The following ETV1 variants were observed in gnomAD, a reference collection of about 807,000 sequenced individuals.
The protein encoded by ETV1 is ETS variant transcription factor 1.
Under a neutral mutation model 62.3 loss-of-function variants are expected in ETV1, and 27 were observed. The ratio of observed to expected loss-of-function variants is 0.43; its 90% CI spans 0.32 to 0.60. The LOEUF (loss-of-function observed/expected upper bound fraction) is 0.60. Ranked by LOEUF, ETV1 falls within the 20% of genes least tolerant of loss-of-function variation. The pLI, the probability that ETV1 is intolerant of heterozygous loss-of-function variation, is 0.06. For synonymous variants in ETV1, 222 were observed against 199.6 expected (o/e 1.11, Z -0.94); for missense variants, 605 against 605.8 (o/e 1.00, Z 0.01).
chr7:13,940,333 G>A (rs1026956011), intron 6 of ETV1, among the ~76,000 whole-genome samples: 3 of 148,600 alleles, frequency 2.0e-5, no homozygotes, highest in African/African-American at 7.5e-5. Context: ...TTGCACTCCA[G>A]CCTGGGCAAC....
Position 13,892,133 on chromosome 7 carries a change from A to G in ETV1, c.*3733T>C. Reference sequence around the variant, plus strand: ...TACACATTGTTCTTACCTAATAAGTAATAATCACTAGCAAATGATAAGATC... The same window carrying G: ...TACACATTGTTCTTACCTAATAAGTGATAATCACTAGCAAATGATAAGATC... On this transcript the variant is annotated 3_prime_UTR_variant, in exon 14 of 14. Coordinates refer to ENST00000430479, the MANE Select transcript of ETV1 (RefSeq NM_004956.5). 1 of 232,416 alleles carries G rather than the reference A, an allele frequency of 4.3e-6. No individual in the cohort carries two copies. Among genetic ancestry groups the G allele is most frequent in the African/African-American group, 2.2e-5 (1 of 45,436 alleles). The allele number at this position is 232,416 out of a possible 1,614,324, so 14.4% of individuals were successfully genotyped here.
chr7:13,986,813 T>TA (rs3216977), intron 4 of ETV1, 128 bp from the exon 5 acceptor site: 14 of 702,588 alleles, frequency 2.0e-5, no homozygotes, highest in South Asian at 4.0e-5. Context: ...AACATAAAAA[T>TA]AAAAAAAAGA....
At chr7:13,947,392 CAA>C (rs11352949) in intron 6 of ETV1, among the ~76,000 whole-genome samples, 986 of 86,488 alleles carry the variant, frequency 0.011, 14 homozygotes, top group African/African-American at 0.045. Flanking sequence ...ACTAACTATA[CAA>C]AAAAAAAAAA....
rs770130844 is a variant in ETV1 at position 13,930,607 on chromosome 7, C to T, written c.802+895G>A. On this transcript the variant is annotated intron_variant, in intron 9 of 13. Transcript: ENST00000430479. ...AAGTGCTGGGATTACAGGCGTGAGC[C>T]ACCAGACTGGAAAAGATTTTAAACC... Among the ~76,000 whole-genome samples the T allele has an allele frequency of 3.3e-5, 5 of 152,012 alleles. No homozygotes were observed. In the South Asian group the frequency reaches 6.2e-4, roughly 19 times the overall value.
chr7:13,898,103 T>C lies in ETV1; in HGVS notation c.1213-2016A>G, dbSNP rs187018583. On this transcript the variant is annotated intron_variant, in intron 13 of 13. Transcript: ENST00000430479. ...GGCTACTACTTCATTTGCTGGACTA[T>C]GTTAAATGCTACTGAGTTTAGAACA... 8.0e-4 allele frequency among the ~76,000 whole-genome samples: 122 copies of C among 152,350 alleles called. 1 individual carries two copies. Among genetic ancestry groups the C allele is most frequent in the African/African-American group, 2.7e-3 (113 of 41,588 alleles).
At chr7:13,970,113 T>C (rs76881666) in intron 6 of ETV1, among the ~76,000 whole-genome samples, 42 of 150,170 alleles carry the variant, frequency 2.8e-4, no homozygotes, top group African/African-American at 1.0e-3. Context: ...AAAAAAAAAT[T>C]AGCCTGGCGT....
chr7:13,939,796 C>T (rs557626318), intron 6 of ETV1, among the ~76,000 whole-genome samples: 55 of 152,246 alleles, frequency 3.6e-4, no homozygotes, highest in Middle Eastern at 3.4e-3. Flanking sequence ...CAGTTCTCAT[C>T]TATAAAATAG....
At chr7:13,986,914 AG>A (rs2128514547) in intron 4 of ETV1, 1 of 459,664 alleles carries the variant, frequency 2.2e-6, no homozygotes, top group East Asian at 4.0e-5. Context: ...TAAAGAATAA[AG>A]TCAATCATCT....
At chr7:13,976,434 A>T (rs1583871535) in intron 6 of ETV1, among the ~76,000 whole-genome samples, 1 of 152,356 alleles carries the variant, frequency 6.6e-6, no homozygotes, top group East Asian at 1.9e-4. Context: ...GTAACATGTT[A>T]GAGAATCTGG....
intron 9 of ETV1, among the ~76,000 whole-genome samples, chr7:13,917,048 G>A (rs1784253541): frequency 6.6e-6 from 1 of 151,822 alleles, no homozygotes; most frequent in Non-Finnish European, 1.5e-5. Flanking sequence ...AAGGCTACAT[G>A]GCGAAAAATA....
intron 6 of ETV1, among the ~76,000 whole-genome samples, chr7:13,976,778 A>G (rs533924480): frequency 7.9e-5 from 12 of 152,114 alleles, no homozygotes; most frequent in Non-Finnish European, 1.6e-4. Flanking sequence ...GACAGTGAGT[A>G]CTCCATGCAT....
At chr7:13,986,759 T>C in intron 4 of ETV1, 74 bp from the exon 5 acceptor site, 1 of 1,082,062 alleles carries the variant, frequency 9.2e-7, no homozygotes, top group Non-Finnish European at 1.4e-6. Flanking sequence ...ATATTTGTCA[T>C]GAAATTGGTA....
rs746537299 is a variant in ETV1 at position 13,988,784 on chromosome 7, G to C, written c.45+224C>G. 1.9e-6 allele frequency: 3 copies of C among 1,604,914 alleles called. No individual in the cohort carries two copies. The African/African-American group carries it at 4.0e-5, about 22-fold the overall frequency. ...CCACTCATGTTGGGCACTTTAATCA[G>C]AAAAAGGGGTCTTAAAAACAAAACT... On this transcript the variant is annotated intron_variant, in intron 3 of 13. Coordinates refer to ENST00000430479, the MANE Select transcript of ETV1 (RefSeq NM_004956.5).
intron 5 of ETV1, among the ~76,000 whole-genome samples, chr7:13,983,846 C>A (rs1187005582): frequency 6.6e-6 from 1 of 151,666 alleles, no homozygotes; most frequent in Admixed American, 6.6e-5. Flanking sequence ...TATATTTTTA[C>A]AGAGGACTTT....
chr7:13,977,557 T>C (rs772713745), intron 5 of ETV1, 77 bp from the exon 6 acceptor site: 6 of 942,100 alleles, frequency 6.4e-6, no homozygotes, highest in Non-Finnish European at 9.9e-6. Context: ...GTAAAATCTG[T>C]CAAGTAAGAT....
intron 9 of ETV1, among the ~76,000 whole-genome samples, chr7:13,930,568 A>G (rs867118070): frequency 5.3e-5 from 8 of 151,806 alleles, no homozygotes; most frequent in Middle Eastern, 3.4e-3. Flanking sequence ...TAATCCGCCC[A>G]CCTCGGCCTC....
chr7:13,955,618 G>A (rs1464629188), intron 6 of ETV1, among the ~76,000 whole-genome samples: 2 of 152,072 alleles, frequency 1.3e-5, no homozygotes, highest in Non-Finnish European at 2.9e-5. Flanking sequence ...ACACAGTGAG[G>A]AGACACTGTG....
intron 8 of ETV1, among the ~76,000 whole-genome samples, chr7:13,932,038 ACACACC>A (rs1262074006): frequency 2.8e-5 from 3 of 108,698 alleles, no homozygotes; most frequent in African/African-American, 8.0e-5. Context: ...TGAGGATTTT[ACACACC>A]CACACACACA....
At chr7:13,948,093 A>C (rs1788381143) in intron 6 of ETV1, among the ~76,000 whole-genome samples, 1 of 152,220 alleles carries the variant, frequency 6.6e-6, no homozygotes, top group African/African-American at 2.4e-5. Context: ...TCAATTTATT[A>C]CTGTGACCAA....
Sources: allele counts gnomAD v4.1 joint callset (sites outside exome capture counted in the v4.1 genomes callset), GRCh38; gene constraint gnomAD v4.1.1; transcripts MANE v1.5; gene names NCBI Gene and HGNC (gene_info 2026-07-23, HGNC 2026-07-21).